Variants in MCRIP2 observed in about 807,000 individuals in gnomAD.
The protein encoded by MCRIP2 is MAPK regulated corepressor interacting protein 2.
In MCRIP2, 21 loss-of-function variants were observed where a neutral mutation model predicts 23.2. That is an observed-to-expected ratio of 0.90 (90% CI 0.64 to 1.30). MCRIP2 has a LOEUF of 1.30. Ranked by LOEUF, MCRIP2 falls within the 50% of genes most tolerant of loss-of-function variation. The pLI is 0.00. For synonymous variants in MCRIP2, 121 were observed against 100.2 expected (o/e 1.21, Z -1.24); for missense variants, 234 against 223.2 (o/e 1.05, Z -0.31).
Position 648,203 on chromosome 16 carries a change from G to A in MCRIP2, c.*13G>A, listed in dbSNP as rs949341167. On this transcript the variant is annotated 3_prime_UTR_variant, in exon 5 of 5. Coordinates refer to ENST00000307650, the MANE Select transcript of MCRIP2 (RefSeq NM_138418.4). The stretch of plus-strand genomic sequence containing the variant: ...CAGCTGTTCCTAGTGGCTGCTGGGA[G>A]GGGGCGCTGCTACACGGCCGACCTG... 1.3e-5 allele frequency: 21 copies of A among 1,603,600 alleles called. No homozygotes were observed. The highest frequency in any genetic ancestry group is 1.8e-5 in the Non-Finnish European group (21 of 1,175,506).
In MCRIP2 at chr16:646,972, A is replaced by C; in HGVS notation, c.183-445A>C. 2 of 171,780 alleles carry C rather than the reference A, an allele frequency of 1.2e-5. No individual in the cohort carries two copies. The highest frequency in any genetic ancestry group is 5.7e-5 in the Admixed American group (1 of 17,466). 10.6% of individuals were successfully genotyped at this position (171,780 alleles called of 1,614,324 possible). On this transcript the variant is annotated intron_variant, in intron 2 of 4. Coordinates refer to ENST00000307650, the MANE Select transcript of MCRIP2 (RefSeq NM_138418.4). This position sits in a 1 kb window ranked among gnomAD's most constrained non-coding sequence, Gnocchi z 6.5. ...GATGGAGGTGCTTCTGTGGGGCGAGAATGTGGCCTAGAACTACACCCAGAG... is the reference window on the plus strand; with the variant it reads ...GATGGAGGTGCTTCTGTGGGGCGAGCATGTGGCCTAGAACTACACCCAGAG...
intron 2 of MCRIP2, among the ~76,000 whole-genome samples, chr16:644,841 C>T (rs1279094634): frequency 6.6e-6 from 1 of 152,038 alleles, no homozygotes; most frequent in Non-Finnish European, 1.5e-5. Context: ...TCTCCTGGTG[C>T]ACCCAGAGGG....
Position 642,159 on chromosome 16 carries a change from T to C in MCRIP2, c.92T>C (p.Leu31Pro). The part of the protein sequence containing the change: ...QQQVEGRLGE[L>P]LKCRQPAPPT... ...CAGGTGGAGGGCCGGCTCGGCGAGCTCCTGAAATGCCGGCAGCCCGCGCCG... is the reference window on the plus strand; with the variant it reads ...CAGGTGGAGGGCCGGCTCGGCGAGCCCCTGAAATGCCGGCAGCCCGCGCCG... Residue 31 changes from leucine (L) to proline (P), a missense_variant, in exon 2 of 5, where the codon CTC (leucine) becomes CCC (proline). Physicochemically the swap from Leu to Pro is moderately conservative, Grantham distance 98. Transcript: ENST00000307650. 1 of 1,359,854 alleles carries C rather than the reference T, an allele frequency of 7.4e-7. No individual in the cohort carries two copies. Among genetic ancestry groups the C allele is most frequent in the South Asian group, 1.6e-5 (1 of 60,746 alleles). 84.2% of individuals were successfully genotyped at this position (1,359,854 alleles called of 1,614,324 possible).
Position 647,412 on chromosome 16 carries a change from T to C in MCRIP2, c.183-5T>C. On this transcript the variant is annotated splice_region_variant and splice_polypyrimidine_tract_variant and intron_variant, in intron 2 of 4. Coordinates refer to ENST00000307650, the MANE Select transcript of MCRIP2 (RefSeq NM_138418.4). ...CAACCATGTCCGTCTCCTCCCTTCC[T>C]GCAGTCCAGGGCCAAGGCTTGTGTT... is the stretch of plus-strand genomic sequence containing the variant. 5.0e-6 allele frequency: 8 copies of C among 1,613,126 alleles called. No homozygotes were observed. Among genetic ancestry groups the C allele is most frequent in the Non-Finnish European group, 6.8e-6 (8 of 1,179,786 alleles).
In MCRIP2 at chr16:646,345, T is replaced by C. The variant is rs913104360; in HGVS notation, c.183-1072T>C. 5 of 152,200 alleles carry C rather than the reference T, an allele frequency of 3.3e-5. No individual in the cohort carries two copies. Among genetic ancestry groups the C allele is most frequent in the African/African-American group, 7.2e-5 (3 of 41,442 alleles). 9.4% of individuals were successfully genotyped at this position (152,200 alleles called of 1,614,324 possible). A position where few individuals can be genotyped will look rare whatever the true frequency, so the allele number is the denominator to read the frequency against. On this transcript the variant is annotated intron_variant, in intron 2 of 4. Transcript: ENST00000307650. This position sits in a 1 kb window ranked among gnomAD's most constrained non-coding sequence, Gnocchi z 6.5. The stretch of plus-strand genomic sequence containing the variant: ...CAGAAACTCAGGCAGCGGGCAGGCC[T>C]GGGAGGTGCCCCTGCCCCTGTCCCA...
chr16:647,614 A>G, intron 3 of MCRIP2, 70 bp downstream of exon 3: 1 of 1,587,726 alleles, frequency 6.3e-7, no homozygotes, highest in South Asian at 1.1e-5. Flanking sequence ...GGATGGCCCC[A>G]CTTCAAGCTG....
In MCRIP2 at chr16:642,061, A is replaced by C. The variant is rs1430830840; in HGVS notation, c.52+18A>C. 84 of 1,316,914 alleles carry C rather than the reference A, an allele frequency of 6.4e-5. No homozygotes were observed. The highest frequency in any genetic ancestry group is 2.9e-6 in the Non-Finnish European group (3 of 1,037,584). The allele number at this position is 1,316,914 out of a possible 1,614,324, so 81.6% of individuals were successfully genotyped here. On this transcript the variant is annotated intron_variant, in intron 1 of 4. Transcript: ENST00000307650. ...CCGCACAGGTGCGCACGGGCCGGGG[A>C]ACGGGAACGGGGACGGGGCGGGGCG...
chr16:643,493 A>C (rs2037402163), intron 2 of MCRIP2, among the ~76,000 whole-genome samples: 2 of 145,134 alleles, frequency 1.4e-5, no homozygotes, highest in Non-Finnish European at 1.5e-5. Context: ...TCTCCATGGG[A>C]CCCCAAGGGT....
rs1222186163 is a variant in MCRIP2, at chr16:646,529, G to A, written c.183-888G>A. Reference sequence around the variant, plus strand: ...GCGCTGGGGCACCTGAGCCCAGGAAGGCAACAGGCCGGCCGGGACCGCGAG... The same window carrying A: ...GCGCTGGGGCACCTGAGCCCAGGAAAGCAACAGGCCGGCCGGGACCGCGAG... On this transcript the variant is annotated intron_variant, in intron 2 of 4. Coordinates refer to ENST00000307650, the MANE Select transcript of MCRIP2 (RefSeq NM_138418.4). This position sits in a 1 kb window ranked among gnomAD's most constrained non-coding sequence, Gnocchi z 6.5. The A allele has an allele frequency of 6.6e-6, 1 of 152,284 alleles. No individual in the cohort carries two copies. Among genetic ancestry groups the A allele is most frequent in the African/African-American group, 2.4e-5 (1 of 41,460 alleles). The allele number at this position is 152,284 out of a possible 1,614,324, so 9.4% of individuals were successfully genotyped here. A position where few individuals can be genotyped will look rare whatever the true frequency, so the allele number is the denominator to read the frequency against.
chr16:645,645 G>C (rs2037462963), intron 2 of MCRIP2: 1 of 152,274 alleles, frequency 6.6e-6, no homozygotes, highest in South Asian at 2.1e-4. Flanking sequence ...GTAATAAGAT[G>C]AAACGGGGCC....
chr16:643,953 G>T (rs1321192010), intron 2 of MCRIP2, among the ~76,000 whole-genome samples: 5 of 152,178 alleles, frequency 3.3e-5, no homozygotes, highest in African/African-American at 1.2e-4. Context: ...GATGTGTGCT[G>T]CCCTCTCCTC....
At chr16:647,005 G>C (rs1204663145) in intron 2 of MCRIP2, 1 of 202,532 alleles carries the variant, frequency 4.9e-6, no homozygotes, top group Non-Finnish European at 1.0e-5. Context: ...GAGTGGGGGG[G>C]TTGGGGCAGA....
rs1053870161 is a variant in MCRIP2 at position 648,416 on chromosome 16, C to T, written c.*226C>T. 2.5e-5 allele frequency: 14 copies of T among 564,584 alleles called. No homozygotes were observed. The highest frequency in any genetic ancestry group is 3.8e-5 in the Non-Finnish European group (12 of 316,266). The allele number at this position is 564,584 out of a possible 1,614,324, so 35.0% of individuals were successfully genotyped here. ...CCTGCTCACTGTGCCCAGGGACCAG[C>T]GACCAGCCCCTGGGGCTGGCAGGGA... On this transcript the variant is annotated 3_prime_UTR_variant, in exon 5 of 5. Transcript: ENST00000307650.
intron 3 of MCRIP2, 117 bp downstream of exon 3, chr16:647,661 A>ACT (rs1344602606): frequency 9.8e-6 from 15 of 1,533,588 alleles, no homozygotes; most frequent in Non-Finnish European, 1.1e-5. Context: ...TTTCCTTGGC[A>ACT]CTCTGCCCTT....
Position 648,413 on chromosome 16 carries a change from C to G in MCRIP2, c.*223C>G. ...AGCCCTGCTCACTGTGCCCAGGGAC[C>G]AGCGACCAGCCCCTGGGGCTGGCAG... is the stretch of plus-strand genomic sequence containing the variant. On this transcript the variant is annotated 3_prime_UTR_variant, in exon 5 of 5. Coordinates refer to ENST00000307650, the MANE Select transcript of MCRIP2 (RefSeq NM_138418.4). 1.8e-6 allele frequency: 1 copy of G among 571,010 alleles called. No homozygotes were observed. Among genetic ancestry groups the G allele is most frequent in the South Asian group, 2.1e-5 (1 of 47,276 alleles). The allele number at this position is 571,010 out of a possible 1,614,324, so 35.4% of individuals were successfully genotyped here. A position where few individuals can be genotyped will look rare whatever the true frequency, so the allele number is the denominator to read the frequency against.
At chr16:642,083 G>T in intron 1 of MCRIP2, 37 bp from the exon 2 acceptor site, 1 of 1,320,190 alleles carries the variant, frequency 7.6e-7, no homozygotes. Flanking sequence ...GACGGGGCGG[G>T]GCGCGGCGGC....
In MCRIP2 at chr16:642,102, G is replaced by GC; in HGVS notation, c.53-12dup. ...GGGCGGGGCGCGGCGGCGGCTGACC[G>GC]CCCCCCGGTGCCCGCAGGTCCCACG... On this transcript the variant is annotated splice_polypyrimidine_tract_variant and intron_variant, in intron 1 of 4. Transcript: ENST00000307650. The GC allele has an allele frequency of 9.0e-6, 12 of 1,329,420 alleles. No individual in the cohort carries two copies. Among genetic ancestry groups the GC allele is most frequent in the South Asian group, 5.8e-5 (3 of 51,960 alleles). The allele number at this position is 1,329,420 out of a possible 1,614,324, so 82.4% of individuals were successfully genotyped here. A position where few individuals can be genotyped will look rare whatever the true frequency, so the allele number is the denominator to read the frequency against.
rs375170628 is a variant in MCRIP2 at position 648,238 on chromosome 16, G to T, written c.*48G>T. 1 of 1,545,768 alleles carries T rather than the reference G, an allele frequency of 6.5e-7. No individual in the cohort carries two copies. Reference sequence around the variant, plus strand: ...CTACACGGCCGACCTGTCGCCAGGAGAGAAGCATGGCGCCCTGCCCACCCA... The same window carrying T: ...CTACACGGCCGACCTGTCGCCAGGATAGAAGCATGGCGCCCTGCCCACCCA... On this transcript the variant is annotated 3_prime_UTR_variant, in exon 5 of 5. Transcript: ENST00000307650.
rs2037345559 is a variant in MCRIP2 at position 641,897 on chromosome 16, C to T, written c.-95C>T. 2.3e-5 allele frequency: 26 copies of T among 1,141,320 alleles called. No individual in the cohort carries two copies. The highest frequency in any genetic ancestry group is 2.8e-5 in the Non-Finnish European group (25 of 901,800). 70.7% of individuals were successfully genotyped at this position (1,141,320 alleles called of 1,614,324 possible). A position where few individuals can be genotyped will look rare whatever the true frequency, so the allele number is the denominator to read the frequency against. The stretch of plus-strand genomic sequence containing the variant: ...GGCCGGGGGCGTGTAGCGGGCCCGC[C>T]CCCTCCCCGCGGCGCCCGCAGTCCG... On this transcript the variant is annotated 5_prime_UTR_variant, in exon 1 of 5. Coordinates refer to ENST00000307650, the MANE Select transcript of MCRIP2 (RefSeq NM_138418.4).
Sources: allele counts gnomAD v4.1 joint callset (sites outside exome capture counted in the v4.1 genomes callset), GRCh38; gene constraint gnomAD v4.1.1; non-coding constraint Gnocchi (gnomAD v3.1); transcripts MANE v1.5; gene names NCBI Gene and HGNC (gene_info 2026-07-23, HGNC 2026-07-21).